The following CNTN5 variants were observed in gnomAD, a reference collection of about 807,000 sequenced individuals.
CNTN5 encodes the protein contactin-5.
A neutral mutation model predicts 129.1 loss-of-function variants in CNTN5; 77 were observed. The ratio of observed to expected loss-of-function variants is 0.60; its 90% confidence interval spans 0.50 to 0.72. The LOEUF (loss-of-function observed/expected upper bound fraction) is 0.72, where lower values mean the gene tolerates loss of function less well. CNTN5 is among the 30% of genes least tolerant of loss of function. The pLI is 0.00. For synonymous variants in CNTN5, 509 were observed against 465.6 expected (o/e 1.09, Z -1.20); for missense variants, 1,478 against 1,328.8 (o/e 1.11, Z -1.75).
intron 1 of CNTN5, among the ~76,000 whole-genome samples, chr11:99,178,245 C>G (rs1857873366): frequency 6.6e-6 from 1 of 151,462 alleles, no homozygotes; most frequent in Non-Finnish European, 1.5e-5. Flanking sequence ...CATTTGGAGG[C>G]CAAGGCAGGA....
chr11:99,106,851 G>A (rs542845453), intron 1 of CNTN5, among the ~76,000 whole-genome samples: 153 of 152,134 alleles, frequency 1.0e-3, no homozygotes, highest in African/African-American at 3.5e-3. Context: ...ACAGATGTCC[G>A]CTAAAAGGTA....
intron 3 of CNTN5, among the ~76,000 whole-genome samples, chr11:99,666,745 A>T (rs1045427548): frequency 6.6e-6 from 1 of 152,174 alleles, no homozygotes; most frequent in Non-Finnish European, 1.5e-5. Flanking sequence ...AAGCAGCAGA[A>T]ACCAGGGCAT....
At chr11:100,324,762 G>C (rs1044368179) in intron 21 of CNTN5, among the ~76,000 whole-genome samples, 10 of 152,116 alleles carry the variant, frequency 6.6e-5, no homozygotes. Context: ...AATTTATTCA[G>C]TAACTAATAT....
At chr11:100,002,201 G>A in intron 9 of CNTN5, 65 bp downstream of exon 9, 1 of 1,096,542 alleles carries the variant, frequency 9.1e-7, no homozygotes, top group Non-Finnish European at 1.3e-6. Context: ...TCTTATTTTT[G>A]GATCACTTAT....
In CNTN5 at chr11:100,135,977, A is replaced by T. The variant is rs1311447762; in HGVS notation, c.1581-55149A>T. On this transcript the variant is annotated intron_variant, in intron 13 of 24. Transcript: ENST00000524871. The stretch of plus-strand genomic sequence containing the variant: ...GTAATTTATTGAATACTGGTACATG[A>T]TATTATTTGTCACCATTATCTGGAA... Among the ~76,000 whole-genome samples, 5 of 152,230 alleles carry T rather than the reference A, an allele frequency of 3.3e-5. No homozygotes were observed. The East Asian group carries it at 7.7e-4, about 24-fold the overall frequency.
intron 21 of CNTN5, among the ~76,000 whole-genome samples, chr11:100,311,679 A>C (rs1951477449): frequency 1.3e-5 from 2 of 151,992 alleles, no homozygotes; most frequent in Non-Finnish European, 1.5e-5. Flanking sequence ...GAAGAATTTC[A>C]AAATGGAGAG....
rs577516741 is a variant in CNTN5, at chr11:99,961,359, C to A, written c.877+4350C>A. Among the ~76,000 whole-genome samples the A allele has an allele frequency of 2.0e-5, 3 of 152,120 alleles. No homozygotes were observed. In the South Asian group the frequency reaches 6.2e-4, roughly 32 times the overall value. ...CTTCTCAGATCCTACAAAACTAAATCTATATTATTAATGAGAATGCTGAAG... is the reference window on the plus strand; with the variant it reads ...CTTCTCAGATCCTACAAAACTAAATATATATTATTAATGAGAATGCTGAAG... On this transcript the variant is annotated intron_variant, in intron 8 of 24. Transcript: ENST00000524871.
intron 3 of CNTN5, among the ~76,000 whole-genome samples, chr11:99,728,493 A>G (rs1565467421): frequency 1.3e-5 from 2 of 152,226 alleles, no homozygotes; most frequent in Admixed American, 6.5e-5. Context: ...CAATGTTTCT[A>G]AATTTTTCAG....
intron 1 of CNTN5, among the ~76,000 whole-genome samples, chr11:99,143,814 T>A (rs931250230): frequency 1.3e-5 from 2 of 152,150 alleles, no homozygotes; most frequent in Admixed American, 1.3e-4. Flanking sequence ...ATTTTTTTTG[T>A]ATTGATAGTT....
rs200237479 is a variant in CNTN5, at chr11:99,956,771, A to G, written c.674-35A>G. 3.3e-6 allele frequency: 5 copies of G among 1,535,484 alleles called. No homozygotes were observed. In the East Asian group the frequency reaches 1.1e-4, roughly 35 times the overall value. ...GCTTTGTCTGTTAATGAAAAAATCAAAGTCTTTCGTTGACCAAATTTTGTG... is the reference window on the plus strand; with the variant it reads ...GCTTTGTCTGTTAATGAAAAAATCAGAGTCTTTCGTTGACCAAATTTTGTG... On this transcript the variant is annotated intron_variant, in intron 7 of 24. Transcript: ENST00000524871.
intron 1 of CNTN5, among the ~76,000 whole-genome samples, chr11:99,198,691 GT>G (rs1267022239): frequency 6.6e-6 from 1 of 152,112 alleles, no homozygotes; most frequent in Non-Finnish European, 1.5e-5. Context: ...TCCCAACAAG[GT>G]AAAAAATAGG....
At chr11:99,065,535 G>A (rs1865065582) in intron 1 of CNTN5, among the ~76,000 whole-genome samples, 1 of 152,046 alleles carries the variant, frequency 6.6e-6, no homozygotes, top group African/African-American at 2.4e-5. Context: ...GCAATAAAAG[G>A]AAATGAATTA....
chr11:100,160,073 C>A (rs1280347283), intron 13 of CNTN5, among the ~76,000 whole-genome samples: 2 of 151,898 alleles, frequency 1.3e-5, no homozygotes, highest in African/African-American at 4.8e-5. Flanking sequence ...CCTCCCCTAG[C>A]CCCTCACCCA....
chr11:99,210,841 C>T (rs1460965464), intron 1 of CNTN5, among the ~76,000 whole-genome samples: 1 of 148,250 alleles, frequency 6.7e-6, no homozygotes, highest in African/African-American at 2.5e-5. Flanking sequence ...ATCATATGCT[C>T]TAGAAGGGCA....
intron 7 of CNTN5, among the ~76,000 whole-genome samples, chr11:99,922,414 G>A (rs1348294983): frequency 1.2e-4 from 18 of 152,182 alleles, no homozygotes. Flanking sequence ...ATAATCCAGG[G>A]TGAAGTTTCT....
intron 2 of CNTN5, among the ~76,000 whole-genome samples, chr11:99,496,556 A>G (rs1946235031): frequency 6.6e-6 from 1 of 152,222 alleles, no homozygotes; most frequent in Non-Finnish European, 1.5e-5. Context: ...GGGAACAGCA[A>G]ATGGGAACAT....
chr11:99,090,077 C>T (rs1159232653), intron 1 of CNTN5, among the ~76,000 whole-genome samples: 2 of 152,136 alleles, frequency 1.3e-5, no homozygotes, highest in African/African-American at 4.8e-5. Flanking sequence ...TTAATAAATA[C>T]TTTTAACCAT....
intron 2 of CNTN5, among the ~76,000 whole-genome samples, chr11:99,468,759 A>C (rs1591113405): frequency 7.3e-6 from 1 of 136,146 alleles, no homozygotes; most frequent in Non-Finnish European, 1.5e-5. Flanking sequence ...TCTGAGAAGG[A>C]GTTTCCCTCT....
intron 8 of CNTN5, among the ~76,000 whole-genome samples, chr11:99,991,942 A>T (rs1465637739): frequency 6.6e-6 from 1 of 152,188 alleles, no homozygotes; most frequent in Non-Finnish European, 1.5e-5. Flanking sequence ...AGGAAGATAA[A>T]ACCTATTCAG....
Sources: gnomAD v4.1 joint callset for allele counts (sites outside exome capture counted in the v4.1 genomes callset) on GRCh38, gnomAD v4.1.1 for gene constraint, MANE v1.5 for transcripts, NCBI Gene and HGNC (gene_info 2026-07-23, HGNC 2026-07-21) for gene names.